CDC42: variants seen among roughly 807,000 people sequenced by gnomAD.
CDC42 encodes cell division control protein 42 homolog.
In CDC42, 1 loss-of-function variant was observed where a neutral mutation model predicts 20.8. The ratio of observed to expected loss-of-function variants is 0.05; its 90% CI spans 0.02 to 0.23. The LOEUF (loss-of-function observed/expected upper bound fraction) is 0.23. Ranked by LOEUF, CDC42 falls within the 10% of genes least tolerant of loss-of-function variation. The pLI, the probability that CDC42 is intolerant of heterozygous loss-of-function variation, is 1.00. For missense variants in CDC42, 49 were observed against 227.9 expected, an observed-to-expected ratio of 0.21 and a Z score of 5.05; for synonymous variants, 72 against 84.8, an observed-to-expected ratio of 0.85 and a Z score of 0.83.
rs940432865 is a variant in CDC42, at chr1:22,097,033, G to A, written c.*5516G>A. Among the ~76,000 whole-genome samples the A allele has an allele frequency of 6.6e-6, 1 of 152,220 alleles. No individual in the cohort carries two copies. The highest frequency in any genetic ancestry group is 6.5e-5 in the Admixed American group (1 of 15,280). ...TGGAGAACTGGGTGGGGAACAATTTGTAATCCTTTTTAGTTCATATGTCAC... is the reference window on the plus strand; with the variant it reads ...TGGAGAACTGGGTGGGGAACAATTTATAATCCTTTTTAGTTCATATGTCAC... On this transcript the variant is annotated 3_prime_UTR_variant, in exon 6 of 6. Transcript: ENST00000656825.
intron 1 of CDC42, among the ~76,000 whole-genome samples, chr1:22,055,911 CT>C (rs1645300665): frequency 6.8e-6 from 1 of 146,668 alleles, no homozygotes; most frequent in Admixed American, 6.8e-5. Flanking sequence ...CAATGAGCAC[CT>C]TAGGCTACAG....
At chr1:22,058,798 C>T (rs1486316327) in intron 1 of CDC42, among the ~76,000 whole-genome samples, 1 of 151,866 alleles carries the variant, frequency 6.6e-6, no homozygotes, top group Non-Finnish European at 1.5e-5. Context: ...CGCACCCAGC[C>T]GAATTACGTA....
chr1:22,089,760 G>A (rs1404198761), intron 5 of CDC42, among the ~76,000 whole-genome samples: 1 of 152,182 alleles, frequency 6.6e-6, no homozygotes, highest in African/African-American at 2.4e-5. Flanking sequence ...TTGAGGTGAA[G>A]TTTTTGGTCA....
intron 1 of CDC42, among the ~76,000 whole-genome samples, chr1:22,071,462 A>G (rs1437121673): frequency 1.3e-5 from 2 of 152,222 alleles, no homozygotes; most frequent in Non-Finnish European, 2.9e-5. Context: ...GCACACTTGC[A>G]TACGTGTGTG....
In CDC42 at chr1:22,092,568, G is replaced by A. The variant is rs555755406; in HGVS notation, c.*1051G>A. ...GATTCACATCCTCTCAAGTTAGGAG[G>A]ATGGAGGCCTGCTTCATTAAGAAGC... On this transcript the variant is annotated 3_prime_UTR_variant, in exon 6 of 6. Coordinates refer to ENST00000656825, the MANE Select transcript of CDC42 (RefSeq NM_001791.4). The A allele has an allele frequency of 1.0e-4, 15 of 145,024 alleles. No individual in the cohort carries two copies. Among genetic ancestry groups the A allele is most frequent in the African/African-American group, 3.8e-4 (15 of 39,846 alleles). 9.0% of individuals were successfully genotyped at this position (145,024 alleles called of 1,614,324 possible). A position where few individuals can be genotyped will look rare whatever the true frequency, so the allele number is the denominator to read the frequency against.
intron 1 of CDC42, among the ~76,000 whole-genome samples, chr1:22,076,428 C>G (rs904910725): frequency 6.6e-6 from 1 of 151,634 alleles, no homozygotes; most frequent in Non-Finnish European, 1.5e-5. Context: ...ACTGCACTGA[C>G]ACATACACAC....
intron 1 of CDC42, among the ~76,000 whole-genome samples, chr1:22,072,091 CTTT>C (rs55929932): frequency 0.16 from 11,665 of 71,090 alleles, 643 homozygotes; most frequent in Middle Eastern, 0.27. Context: ...TTTTACTTAC[CTTT>C]TTTTTTTTTT....
At position 22,097,772 on chromosome 1, in the gene CDC42, G is replaced by C. The variant is rs889814247; in HGVS notation, c.*6255G>C. On this transcript the variant is annotated 3_prime_UTR_variant, in exon 6 of 6. Coordinates refer to ENST00000656825, the MANE Select transcript of CDC42 (RefSeq NM_001791.4). ...GCCCTACGTTATAGAAAAATGTGAA[G>C]TATGTCTAATAAAGGAGTACAGTGG... is the stretch of plus-strand genomic sequence containing the variant. 1.3e-5 allele frequency among the ~76,000 whole-genome samples: 2 copies of C among 152,224 alleles called. No individual in the cohort carries two copies. The highest frequency in any genetic ancestry group is 4.8e-5 in the African/African-American group (2 of 41,462).
At chr1:22,091,398 C>T (rs756453834) in intron 5 of CDC42, 30 bp from the exon 6 acceptor site, 11 of 1,380,350 alleles carry the variant, frequency 8.0e-6, no homozygotes, top group South Asian at 2.4e-5. Flanking sequence ...AAAATCAGAC[C>T]GCCCATTTTT....
chr1:22,081,698 A>C lies in CDC42; in HGVS notation c.106-24A>C, dbSNP rs758370940. ...TTTAACTCTCTCCTTGCACACTAAC[A>C]GTGTTGTATTTTTTTGTTTTTAGGT... On this transcript the variant is annotated intron_variant, in intron 2 of 5. Transcript: ENST00000656825. 7 of 1,473,100 alleles carry C rather than the reference A, an allele frequency of 4.8e-6. No homozygotes were observed. In the Admixed American group the frequency reaches 1.2e-4, roughly 25 times the overall value. 91.3% of individuals were successfully genotyped at this position (1,473,100 alleles called of 1,614,324 possible). A position where few individuals can be genotyped will look rare whatever the true frequency, so the allele number is the denominator to read the frequency against.
chr1:22,065,346 C>T (rs181603567), intron 1 of CDC42, among the ~76,000 whole-genome samples: 1 of 152,298 alleles, frequency 6.6e-6, no homozygotes. Context: ...ACAAATGTGA[C>T]ACTTATTAAA....
At chr1:22,059,699 A>G (rs1645342145) in intron 1 of CDC42, 1 of 151,940 alleles carries the variant, frequency 6.6e-6, no homozygotes, top group Non-Finnish European at 1.5e-5. Context: ...GCACACCACC[A>G]TGCCTGGCTA....
rs905579445 is a variant in CDC42, at chr1:22,093,808, C to T, written c.*2291C>T. Reference sequence around the variant, plus strand: ...TATGTATCCTTAGTGTAGTCAGGGGCGTATAGGTCCTTGACTATTGCTATA... The same window carrying T: ...TATGTATCCTTAGTGTAGTCAGGGGTGTATAGGTCCTTGACTATTGCTATA... On this transcript the variant is annotated 3_prime_UTR_variant, in exon 6 of 6. Coordinates refer to ENST00000656825, the MANE Select transcript of CDC42 (RefSeq NM_001791.4). Among the ~76,000 whole-genome samples the T allele has an allele frequency of 2.2e-4, 34 of 152,124 alleles. No individual in the cohort carries two copies. The highest frequency in any genetic ancestry group is 7.2e-4 in the African/African-American group (30 of 41,402).
intron 1 of CDC42, among the ~76,000 whole-genome samples, chr1:22,069,614 T>C (rs796570010): frequency 0.016 from 14 of 902 alleles, 1 homozygote; most frequent in South Asian, 0.094. Flanking sequence ...ATGCCACCAC[T>C]TTTTTTTTTT....
At position 22,061,699 on chromosome 1, in the gene CDC42, A is replaced by G. The variant is rs566636076; in HGVS notation, c.-51+8957A>G. Among the ~76,000 whole-genome samples the G allele has an allele frequency of 2.7e-4, 40 of 149,482 alleles. 1 individual carries two copies. The highest frequency in any genetic ancestry group is 5.3e-4 in the Admixed American group (8 of 14,958). ...GCTGGGATTACAGGTGCCCGCCACC[A>G]TGCCCGGCTAATTTTTGTATTTTTA... On this transcript the variant is annotated intron_variant, in intron 1 of 5. Coordinates refer to ENST00000656825, the MANE Select transcript of CDC42 (RefSeq NM_001791.4).
intron 1 of CDC42, among the ~76,000 whole-genome samples, chr1:22,072,701 C>G (rs540310589): frequency 6.6e-6 from 1 of 152,190 alleles, no homozygotes; most frequent in South Asian, 2.1e-4. Flanking sequence ...TCCCTTCCAC[C>G]GCCACCCTGT....
chr1:22,082,798 G>A (rs1204067339), intron 3 of CDC42, among the ~76,000 whole-genome samples: 1 of 151,590 alleles, frequency 6.6e-6, no homozygotes, highest in Non-Finnish European at 1.5e-5. Flanking sequence ...GGAATATAGA[G>A]AAAACAATGA....
At chr1:22,053,367 C>T (rs1298766550) in intron 1 of CDC42, 1 of 151,938 alleles carries the variant, frequency 6.6e-6, no homozygotes, top group Non-Finnish European at 1.5e-5. Context: ...CTCCCCTCCG[C>T]GCCGGCCGCG....
chr1:22,073,372 A>C (rs570220253), intron 1 of CDC42, among the ~76,000 whole-genome samples: 8 of 152,084 alleles, frequency 5.3e-5, no homozygotes, highest in Non-Finnish European at 1.0e-4. Flanking sequence ...CCCCGTCTCT[A>C]CTAAAAAAAT....
Sources: allele counts gnomAD v4.1 joint callset (sites outside exome capture counted in the v4.1 genomes callset), GRCh38; gene constraint gnomAD v4.1.1; transcripts MANE v1.5; gene names NCBI Gene and HGNC (gene_info 2026-07-23, HGNC 2026-07-21).